The following NELL2 variants were observed in gnomAD, a reference collection of about 807,000 sequenced individuals.
NELL2 encodes the protein neural EGFL like 2, also known as protein kinase C-binding protein NELL2.
NELL2 carries 41 observed loss-of-function variants against 109.6 expected under a neutral mutation model. The ratio of observed to expected loss-of-function variants is 0.37; its 90% confidence interval spans 0.29 to 0.49. The LOEUF (loss-of-function observed/expected upper bound fraction) is 0.49. Ranked by LOEUF, NELL2 falls within the 20% of genes least tolerant of loss-of-function variation. NELL2 has a pLI of 0.98. For synonymous variants in NELL2, 355 were observed against 344.7 expected, an observed-to-expected ratio of 1.03 and a Z score of -0.33; for missense variants, 900 against 1,008.3, an observed-to-expected ratio of 0.89 and a Z score of 1.45.
intron 9 of NELL2, among the ~76,000 whole-genome samples, chr12:44,730,546 TA>T (rs1043763984): frequency 6.6e-6 from 1 of 151,868 alleles, no homozygotes; most frequent in Non-Finnish European, 1.5e-5. Context: ...ATTGATCAAC[TA>T]AAAAATCAAA....
upstream of NELL2, chr12:44,876,460 C>A (rs943407305): frequency 1.5e-6 from 2 of 1,298,616 alleles, no homozygotes; most frequent in East Asian, 5.8e-5. Context: ...CTCCTGGATG[C>A]CAAACCCGGT....
intron 1 of NELL2, among the ~76,000 whole-genome samples, chr12:44,882,584 G>A (rs1436528860): frequency 6.6e-6 from 1 of 151,620 alleles, no homozygotes; most frequent in East Asian, 1.9e-4. Flanking sequence ...CCGGAATGCA[G>A]TGGCACCGTC....
At chr12:44,771,576 C>A (rs1054914460) in intron 9 of NELL2, among the ~76,000 whole-genome samples, 1 of 152,144 alleles carries the variant, frequency 6.6e-6, no homozygotes, top group East Asian at 1.9e-4. Context: ...ATGGCTTTAA[C>A]GATTTGGCCT....
At chr12:44,653,382 G>A (rs945122808) in intron 13 of NELL2, among the ~76,000 whole-genome samples, 4 of 152,160 alleles carry the variant, frequency 2.6e-5, no homozygotes, top group Admixed American at 6.5e-5. Flanking sequence ...AAACCTGAGT[G>A]AGTTATTATC....
At chr12:44,676,837 A>C (rs1566139081) in intron 12 of NELL2, among the ~76,000 whole-genome samples, 2 of 152,268 alleles carry the variant, frequency 1.3e-5, no homozygotes, top group Middle Eastern at 6.8e-3. Flanking sequence ...AGGCATGTGT[A>C]GATTTGTCCA....
chr12:44,510,381 C>G (rs1281852931), intron 19 of NELL2, among the ~76,000 whole-genome samples: 1 of 152,178 alleles, frequency 6.6e-6, no homozygotes, highest in South Asian at 2.1e-4. Context: ...AATGGTAGAG[C>G]TAGGATTAAA....
intron 2 of NELL2, among the ~76,000 whole-genome samples, chr12:44,819,126 A>C (rs966057209): frequency 6.6e-6 from 1 of 152,206 alleles, no homozygotes; most frequent in Non-Finnish European, 1.5e-5. Flanking sequence ...TGAAGAAACT[A>C]AAAGAACAGA....
chr12:44,716,273 C>A (rs1408289208), intron 9 of NELL2, among the ~76,000 whole-genome samples: 6 of 152,184 alleles, frequency 3.9e-5, no homozygotes, highest in African/African-American at 1.4e-4. Flanking sequence ...CATCCTCCAA[C>A]TGATCTCCTT....
chr12:44,772,493 A>G (rs1406567450), intron 9 of NELL2, among the ~76,000 whole-genome samples: 5 of 152,238 alleles, frequency 3.3e-5, no homozygotes, highest in African/African-American at 7.2e-5. Context: ...TGTGCTTTGC[A>G]GAGACTCATT....
At chr12:44,762,327 C>G (rs1208566770) in intron 9 of NELL2, among the ~76,000 whole-genome samples, 1 of 152,132 alleles carries the variant, frequency 6.6e-6, no homozygotes, top group East Asian at 1.9e-4. Context: ...TTCCTTGATA[C>G]AAAAACCTTG....
chr12:44,573,972 A>C (rs1943968088), intron 15 of NELL2, among the ~76,000 whole-genome samples: 1 of 152,214 alleles, frequency 6.6e-6, no homozygotes, highest in Admixed American at 6.5e-5. Flanking sequence ...GTTACCCACT[A>C]AGAGAGTTCT....
At chr12:44,635,828 A>G (rs113409881) in intron 13 of NELL2, among the ~76,000 whole-genome samples, 5,692 of 152,160 alleles carry the variant, frequency 0.037, 362 homozygotes, top group African/African-American at 0.13. Context: ...AAGAAAGTCA[A>G]TTGTAGCTTG....
chr12:44,527,815 C>T (rs901942959), intron 16 of NELL2, among the ~76,000 whole-genome samples: 2 of 151,860 alleles, frequency 1.3e-5, no homozygotes, highest in African/African-American at 2.4e-5. Flanking sequence ...TCCTTCATGC[C>T]GGGCACGCTG....
chr12:44,821,885 TTTTA>T (rs199661897), intron 2 of NELL2, among the ~76,000 whole-genome samples: 41,385 of 141,100 alleles, frequency 0.29, 6,313 homozygotes, highest in African/African-American at 0.35. Context: ...GCCCGGCTGG[TTTTA>T]TTTATTTATT....
chr12:44,868,498 G>A (rs1373168681), intron 2 of NELL2, among the ~76,000 whole-genome samples: 1 of 152,184 alleles, frequency 6.6e-6, no homozygotes, highest in African/African-American at 2.4e-5. Flanking sequence ...AAGAACATAC[G>A]AATGCAAATG....
At position 44,811,454 on chromosome 12, in the gene NELL2, A is replaced by T. The variant is rs945292165; in HGVS notation, c.335+4532T>A. 7.2e-5 allele frequency among the ~76,000 whole-genome samples: 11 copies of T among 152,064 alleles called. 1 individual carries two copies. The highest frequency in any genetic ancestry group is 7.2e-4 in the Admixed American group (11 of 15,252). ...AGGAAGAAATTAATGTAAACTGGAA[A>T]GGTCAGTGAAAGCTTCCTGGAGATA... On this transcript the variant is annotated intron_variant, in intron 3 of 19. Coordinates refer to ENST00000429094, the MANE Select transcript of NELL2 (RefSeq NM_001145108.2).
chr12:44,743,946 G>A (rs373277462), intron 9 of NELL2, among the ~76,000 whole-genome samples: 1,611 of 152,016 alleles, frequency 0.011, 24 homozygotes, highest in African/African-American at 0.035. Context: ...TGCACCAAGC[G>A]GACCTAATAG....
intron 15 of NELL2, among the ~76,000 whole-genome samples, chr12:44,598,176 A>C (rs1261121085): frequency 4.0e-4 from 61 of 152,038 alleles, no homozygotes; most frequent in African/African-American, 1.4e-3. Flanking sequence ...AAAAAAAAAA[A>C]AAAAAAACAG....
At chr12:44,677,749 G>A (rs933510532) in intron 12 of NELL2, among the ~76,000 whole-genome samples, 1 of 152,072 alleles carries the variant, frequency 6.6e-6, no homozygotes, top group South Asian at 2.1e-4. Context: ...CTCTGGCACT[G>A]ACTGGATGTC....
Sources: allele counts gnomAD v4.1 joint callset (sites outside exome capture counted in the v4.1 genomes callset), GRCh38; gene constraint gnomAD v4.1.1; transcripts MANE v1.5; gene names NCBI Gene and HGNC (gene_info 2026-07-23, HGNC 2026-07-21).